Variants in ADGRL3 observed in about 807,000 individuals in gnomAD.
ADGRL3 encodes the protein calcium-independent alpha-latrotoxin receptor 3.
Under a neutral mutation model 153.5 loss-of-function variants are expected in ADGRL3, and 62 were observed. That is an observed-to-expected ratio of 0.40 (90% CI 0.33 to 0.50). The LOEUF is 0.50. Ranked by LOEUF, ADGRL3 falls within the 20% of genes least tolerant of loss-of-function variation. The pLI, the probability that ADGRL3 is intolerant of heterozygous loss-of-function variation, is 0.47. For synonymous variants in ADGRL3, 710 were observed against 672.5 expected (o/e 1.06, Z -0.86); for missense variants, 1,641 against 1,859.4 (o/e 0.88, Z 2.16).
In ADGRL3 at chr4:61,531,251, GC is replaced by G. The variant is rs775433921; in HGVS notation, c.259+13734del. Among the ~76,000 whole-genome samples the G allele has an allele frequency of 1.1e-3, 168 of 152,120 alleles. 3 individuals carry two copies. The highest frequency in any genetic ancestry group is 5.6e-4 in the Non-Finnish European group (38 of 68,012). ...CTTGGTAAAAATAATTAGGCGCATTGCTACCACCTGCACCCTTAGGAAACAA... is the reference window on the plus strand; with the variant it reads ...CTTGGTAAAAATAATTAGGCGCATTGTACCACCTGCACCCTTAGGAAACAA... On this transcript the variant is annotated intron_variant, in intron 4 of 26. Transcript: ENST00000683033.
chr4:61,671,802 G>A (rs2095012049), intron 5 of ADGRL3, among the ~76,000 whole-genome samples: 1 of 152,058 alleles, frequency 6.6e-6, no homozygotes, highest in African/African-American at 2.4e-5. Context: ...ACCATGAAAT[G>A]TATGACTCAT....
rs531652891 is a variant in ADGRL3 at position 61,977,231 on chromosome 4, T to A, written c.2806-2332T>A. 2.8e-4 allele frequency among the ~76,000 whole-genome samples: 43 copies of A among 151,258 alleles called. No homozygotes were observed. The South Asian group carries it at 8.1e-3, about 29-fold the overall frequency. On this transcript the variant is annotated intron_variant, in intron 17 of 26. Transcript: ENST00000683033. ...TTTTTCTTGTTCTTTTTTTTTTTTT[T>A]AAAGGTGTTTCAGGTCTTTTGGATA...
At chr4:61,394,364 A>G (rs1179950179) in intron 2 of ADGRL3, among the ~76,000 whole-genome samples, 1 of 152,030 alleles carries the variant, frequency 6.6e-6, no homozygotes, top group Non-Finnish European at 1.5e-5. Context: ...GATCAGATAA[A>G]AATCTGAGAT....
rs931801356 is a variant in ADGRL3 at position 61,202,322 on chromosome 4, C to G, written c.-240+557C>G. ...ACGCTTGCCTGGAGCATCCCTGGCC[C>G]CTTTTGCCCAGGTCGCGCCCCTGAG... On this transcript the variant is annotated intron_variant, in intron 1 of 26. Coordinates refer to ENST00000683033, the MANE Select transcript of ADGRL3 (RefSeq NM_001387552.1). The surrounding 1 kb of genome is among the most constrained non-coding windows in gnomAD (Gnocchi z 5.0). The G allele has an allele frequency of 6.6e-6, 1 of 152,540 alleles. No homozygotes were observed. Among genetic ancestry groups the G allele is most frequent in the African/African-American group, 2.4e-5 (1 of 41,452 alleles). 9.4% of individuals were successfully genotyped at this position (152,540 alleles called of 1,614,324 possible).
At chr4:61,983,027 A>C (rs1329322480) in intron 18 of ADGRL3, among the ~76,000 whole-genome samples, 1 of 152,056 alleles carries the variant, frequency 6.6e-6, no homozygotes, top group Non-Finnish European at 1.5e-5. Flanking sequence ...CTCTAACTCT[A>C]ACTCATGATT....
intron 3 of ADGRL3, among the ~76,000 whole-genome samples, 152 bp from the exon 4 acceptor site, chr4:61,517,163 G>A (rs913743730): frequency 6.6e-6 from 1 of 151,704 alleles, no homozygotes; most frequent in Non-Finnish European, 1.5e-5. Context: ...CCTCTCAGCT[G>A]TAGGGTTGTC....
At chr4:61,442,064 GTAC>G (rs1188583384) in intron 2 of ADGRL3, among the ~76,000 whole-genome samples, 1 of 152,156 alleles carries the variant, frequency 6.6e-6, no homozygotes, top group Non-Finnish European at 1.5e-5. Flanking sequence ...GATGTACAAT[GTAC>G]TGAGTAACTG....
At chr4:61,691,044 G>A (rs1444224744) in intron 6 of ADGRL3, among the ~76,000 whole-genome samples, 1 of 152,100 alleles carries the variant, frequency 6.6e-6, no homozygotes, top group Admixed American at 6.6e-5. Context: ...GATGGCTTGT[G>A]TTTCTCTTTT....
At chr4:61,445,260 A>G (rs2097569808) in intron 2 of ADGRL3, among the ~76,000 whole-genome samples, 1 of 152,194 alleles carries the variant, frequency 6.6e-6, no homozygotes, top group Non-Finnish European at 1.5e-5. Flanking sequence ...GAAGTTAGCA[A>G]CAGAGCCAGG....
rs980206363 is a variant in ADGRL3 at position 61,704,992 on chromosome 4, C to G, written c.584-25630C>G. On this transcript the variant is annotated intron_variant, in intron 6 of 26. Transcript: ENST00000683033. ...ACTTCCTCCACTGAAGTCTTGAACC[C>G]TTCAAAGTCATGCATGAAAGTTGAA... 7.1e-4 allele frequency among the ~76,000 whole-genome samples: 108 copies of G among 152,242 alleles called. 2 individuals carry two copies. The highest frequency in any genetic ancestry group is 1.2e-4 in the Non-Finnish European group (8 of 68,028).
intron 9 of ADGRL3, among the ~76,000 whole-genome samples, chr4:61,869,850 A>T: frequency 6.8e-6 from 1 of 147,856 alleles, no homozygotes; most frequent in Non-Finnish European, 1.5e-5. Flanking sequence ...AGACAGGAGG[A>T]TCGCTTGAAT....
chr4:61,956,018 G>A (rs2098964964), intron 17 of ADGRL3, among the ~76,000 whole-genome samples: 3 of 152,254 alleles, frequency 2.0e-5, no homozygotes, highest in Admixed American at 1.3e-4. Context: ...TATCTTTATA[G>A]TAGAATGATT....
At chr4:61,903,501 T>C (rs2149734822) in intron 11 of ADGRL3, among the ~76,000 whole-genome samples, 1 of 152,144 alleles carries the variant, frequency 6.6e-6, no homozygotes. Context: ...GAATGAAACA[T>C]TTTTGCTATG....
chr4:61,744,269 C>T (rs901143169), intron 8 of ADGRL3, among the ~76,000 whole-genome samples: 6 of 152,188 alleles, frequency 3.9e-5, no homozygotes, highest in Admixed American at 2.0e-4. Flanking sequence ...TCTGTAGACT[C>T]CACCTCTGGG....
At chr4:61,304,350 G>C (rs1357616927) in intron 1 of ADGRL3, among the ~76,000 whole-genome samples, 4 of 152,338 alleles carry the variant, frequency 2.6e-5, no homozygotes, top group African/African-American at 4.8e-5. Context: ...AAGATTGTGA[G>C]GCTTTCAGCC....
At chr4:62,006,918 T>C (rs891110217) in intron 21 of ADGRL3, among the ~76,000 whole-genome samples, 49 of 152,206 alleles carry the variant, frequency 3.2e-4, no homozygotes, top group African/African-American at 1.2e-3. Flanking sequence ...TAAATCATAG[T>C]GGCACTGGTG....
chr4:61,622,020 G>A (rs1215024270), intron 5 of ADGRL3, among the ~76,000 whole-genome samples: 1 of 152,122 alleles, frequency 6.6e-6, no homozygotes. Context: ...CTGCATGTCG[G>A]TAGCTGTGTT....
At chr4:61,979,839 T>G in intron 18 of ADGRL3, 67 bp downstream of exon 18, 2 of 1,226,360 alleles carry the variant, frequency 1.6e-6, no homozygotes, top group South Asian at 2.6e-5. Flanking sequence ...GCGCCAATAC[T>G]AAAAATACTT....
intron 3 of ADGRL3, among the ~76,000 whole-genome samples, chr4:61,500,309 G>T (rs780263087): frequency 6.6e-6 from 1 of 152,074 alleles, no homozygotes; most frequent in Non-Finnish European, 1.5e-5. Flanking sequence ...ATACAAGTTG[G>T]TTTTGTCTTC....
Sources: gnomAD v4.1 joint callset for allele counts (sites outside exome capture counted in the v4.1 genomes callset) on GRCh38, gnomAD v4.1.1 for gene constraint, Gnocchi (gnomAD v3.1) non-coding constraint, MANE v1.5 for transcripts, NCBI Gene and HGNC (gene_info 2026-07-23, HGNC 2026-07-21) for gene names.